The following EDA variants were observed in gnomAD, a reference collection of about 807,000 sequenced individuals.
EDA encodes ectodysplasin A, also known as ectodysplasin-A.
In EDA, 2 loss-of-function variants were observed where a neutral mutation model predicts 23.6. The observed-to-expected ratio is 0.08, with a 90% CI of 0.03 to 0.27. The LOEUF is 0.27. Among genes scored for constraint, EDA ranks in the 10% least tolerant of loss-of-function variants. EDA has a pLI of 1.00. For synonymous variants in EDA, 131 were observed against 132.0 expected, an observed-to-expected ratio of 0.99 and a Z score of 0.05; for missense variants, 229 against 324.2, an observed-to-expected ratio of 0.71 and a Z score of 2.26.
At position 70,036,324 on chromosome X, in the gene EDA, C is replaced by A. The variant is rs183265564; in HGVS notation, c.*715C>A. The A allele has an allele frequency of 1.8e-5, 2 of 111,950 alleles. No individual in the cohort carries two copies. The highest frequency in any genetic ancestry group is 6.5e-5 in the African/African-American group (2 of 30,685). 9.2% of individuals were successfully genotyped at this position (111,950 alleles called of 1,213,427 possible). ...ACCTGCCCGCCTAAGACCCTGAATC[C>A]GTACTTGGGTCACATGACTCTCATT... On this transcript the variant is annotated 3_prime_UTR_variant, in exon 8 of 8. Coordinates refer to ENST00000374552, the MANE Select transcript of EDA (RefSeq NM_001399.5).
At chrX:70,014,659 A>AG (rs1231275087) in intron 2 of EDA, among the ~76,000 whole-genome samples, 1 of 112,481 alleles carries the variant, frequency 8.9e-6, no homozygotes, top group African/African-American at 3.2e-5. Context: ...AAGGAATCTA[A>AG]GGACTACAAT....
At chrX:69,947,319 T>C (rs766333363) in intron 1 of EDA, among the ~76,000 whole-genome samples, 1 of 112,342 alleles carries the variant, frequency 8.9e-6, no homozygotes, top group African/African-American at 3.2e-5. Context: ...CCATTTTTTT[T>C]ATTTGTGTCT....
intron 1 of EDA, among the ~76,000 whole-genome samples, chrX:69,879,076 C>T (rs1161956185): frequency 9.1e-6 from 1 of 110,233 alleles, no homozygotes; most frequent in Admixed American, 9.7e-5. Flanking sequence ...TGATTCCGCG[C>T]CGCCCCCTCC....
At chrX:69,860,863 C>CAATGAGT (rs1207248550) in intron 1 of EDA, 1 of 524,876 alleles carries the variant, frequency 1.9e-6, no homozygotes, top group Admixed American at 2.6e-5. Flanking sequence ...TCAGGGACAC[C>CAATGAGT]AATGAGTTGT....
chrX:69,650,980 A>T (rs1191239019), intron 1 of EDA, among the ~76,000 whole-genome samples: 1 of 111,346 alleles, frequency 9.0e-6, no homozygotes, highest in African/African-American at 3.3e-5. Flanking sequence ...GTAGTTAGTA[A>T]GGGGGAAAGT....
At chrX:69,843,970 C>T (rs1251677409) in intron 1 of EDA, among the ~76,000 whole-genome samples, 4 of 96,011 alleles carry the variant, frequency 4.2e-5, no homozygotes, top group African/African-American at 1.2e-4. Context: ...TGCAGTGAGC[C>T]GAGATCGCGC....
chrX:69,663,217 T>C (rs1218525042), intron 1 of EDA, among the ~76,000 whole-genome samples: 1 of 112,024 alleles, frequency 8.9e-6, no homozygotes, highest in African/African-American at 3.2e-5. Context: ...GTCAGAGGTT[T>C]CCACGGCAGC....
At chrX:69,765,441 C>T (rs1214822384) in intron 1 of EDA, among the ~76,000 whole-genome samples, 3 of 111,587 alleles carry the variant, frequency 2.7e-5, no homozygotes, top group African/African-American at 9.8e-5. Flanking sequence ...GATCACTTTG[C>T]AGTATAGTGG....
At chrX:69,759,745 G>A (rs1308604637) in intron 1 of EDA, among the ~76,000 whole-genome samples, 1 of 110,994 alleles carries the variant, frequency 9.0e-6, no homozygotes, top group African/African-American at 3.3e-5. Context: ...TCTTGGAAAG[G>A]TAGAGGTTGG....
intron 1 of EDA, among the ~76,000 whole-genome samples, chrX:69,765,322 CTGG>C (rs2014438178): frequency 8.9e-6 from 1 of 112,285 alleles, no homozygotes; most frequent in Non-Finnish European, 1.9e-5. Context: ...ATAATATTAC[CTGG>C]TTTGAAAATG....
intron 1 of EDA, among the ~76,000 whole-genome samples, chrX:69,744,517 G>A (rs920798052): frequency 8.9e-6 from 1 of 112,117 alleles, no homozygotes; most frequent in African/African-American, 3.2e-5. Context: ...AGATACTACC[G>A]TGTATCTTTG....
intron 1 of EDA, among the ~76,000 whole-genome samples, chrX:69,720,469 T>A (rs893204974): frequency 1.3e-4 from 14 of 111,759 alleles, no homozygotes; most frequent in Non-Finnish European, 2.4e-4. Flanking sequence ...CCACATCCTT[T>A]CACCTCTCTT....
chrX:70,000,062 A>G (rs2019719443), intron 2 of EDA, among the ~76,000 whole-genome samples: 1 of 112,335 alleles, frequency 8.9e-6, no homozygotes, highest in South Asian at 3.7e-4. Context: ...TTAGTAAACG[A>G]GGAATAAAAG....
chrX:69,793,112 A>G (rs1419527561), intron 1 of EDA, among the ~76,000 whole-genome samples: 2 of 112,082 alleles, frequency 1.8e-5, no homozygotes, highest in Non-Finnish European at 3.8e-5. Context: ...CTTAGATTTA[A>G]GTCTTTTATC....
At chrX:69,935,809 A>G (rs755842390) in intron 1 of EDA, among the ~76,000 whole-genome samples, 6 of 109,862 alleles carry the variant, frequency 5.5e-5, no homozygotes, top group Non-Finnish European at 7.6e-5. Context: ...TCTTTTGTCA[A>G]TATATGTAAA....
At chrX:69,893,772 A>G (rs923477548) in intron 1 of EDA, among the ~76,000 whole-genome samples, 4 of 112,438 alleles carry the variant, frequency 3.6e-5, no homozygotes, top group Non-Finnish European at 5.6e-5. Flanking sequence ...GTTAATTTAA[A>G]GCTGTCTGAA....
rs1212176285 is a variant in EDA at position 69,631,381 on chromosome X, C to CAA, written c.396+14694_396+14695dup. ...TGGGTGACAGAGCGAGACTCCGTGT[C>CAA]AAAAAAAAAAAAAAAAAAGAATTCC... On this transcript the variant is annotated intron_variant, in intron 1 of 7. Coordinates refer to ENST00000374552, the MANE Select transcript of EDA (RefSeq NM_001399.5). 1.7e-3 allele frequency among the ~76,000 whole-genome samples: 88 copies of CAA among 52,794 alleles called. 1 individual carries two copies. The highest frequency in any genetic ancestry group is 4.4e-3 in the African/African-American group (55 of 12,506). The allele number at this position is 52,794 out of a possible 115,157, so 45.8% of individuals were successfully genotyped here. A position where few individuals can be genotyped will look rare whatever the true frequency, so the allele number is the denominator to read the frequency against.
At chrX:69,794,791 G>C (rs964272930) in intron 1 of EDA, among the ~76,000 whole-genome samples, 1 of 111,517 alleles carries the variant, frequency 9.0e-6, no homozygotes, top group South Asian at 3.8e-4. Flanking sequence ...TGTTGAAAGA[G>C]AGAAAGTCAT....
intron 1 of EDA, among the ~76,000 whole-genome samples, chrX:69,861,457 A>C (rs971104479): frequency 9.0e-6 from 1 of 111,417 alleles, no homozygotes; most frequent in African/African-American, 3.3e-5. Context: ...GGGGATCCTC[A>C]ATCCATAACA....
Sources: allele counts gnomAD v4.1 joint callset (sites outside exome capture counted in the v4.1 genomes callset), GRCh38; gene constraint gnomAD v4.1.1; transcripts MANE v1.5; gene names NCBI Gene and HGNC (gene_info 2026-07-23, HGNC 2026-07-21).